The following PGLYRP2 variants were observed in gnomAD, a reference collection of about 807,000 sequenced individuals.
PGLYRP2 encodes peptidoglycan recognition protein 2, also known as N-acetylmuramoyl-L-alanine amidase.
A neutral mutation model predicts 46.2 loss-of-function variants in PGLYRP2; 38 were observed. That is an observed-to-expected ratio of 0.82 (90% CI 0.64 to 1.08). The LOEUF (loss-of-function observed/expected upper bound fraction) is 1.08. Ranked by LOEUF, PGLYRP2 falls within the 50% of genes least tolerant of loss-of-function variation. The probability of loss-of-function intolerance (pLI) is 0.00; values close to 1 mark genes in which losing one functional copy is unlikely to be tolerated. For synonymous variants in PGLYRP2, 289 were observed against 329.4 expected, an observed-to-expected ratio of 0.88 and a Z score of 1.33; for missense variants, 713 against 755.9, an observed-to-expected ratio of 0.94 and a Z score of 0.67.
chr19:15,473,584 G>A (rs775361237), intron 2 of PGLYRP2, among the ~76,000 whole-genome samples: 3 of 148,260 alleles, frequency 2.0e-5, no homozygotes, highest in Non-Finnish European at 3.0e-5. Flanking sequence ...TAAGGAAAAC[G>A]CTTCTGAACA....
chr19:15,477,203 G>C (rs1316111151), intron 1 of PGLYRP2, among the ~76,000 whole-genome samples: 1 of 151,794 alleles, frequency 6.6e-6, no homozygotes, highest in Non-Finnish European at 1.5e-5. Context: ...GGCCAGCCTG[G>C]CCAACACCGT....
At chr19:15,472,586 C>G (rs1970760151) in intron 2 of PGLYRP2, among the ~76,000 whole-genome samples, 1 of 149,966 alleles carries the variant, frequency 6.7e-6, no homozygotes, top group Non-Finnish European at 1.5e-5. Context: ...GAGCAAGACT[C>G]TGTCCCCCCC....
At chr19:15,471,267 C>T (rs894052336) in intron 3 of PGLYRP2, among the ~76,000 whole-genome samples, 23 of 152,082 alleles carry the variant, frequency 1.5e-4, no homozygotes, top group African/African-American at 5.6e-4. Flanking sequence ...CACCCGCCAT[C>T]ACGCCTGGCT....
At chr19:15,477,361 C>A (rs1477215149) in intron 1 of PGLYRP2, among the ~76,000 whole-genome samples, 4 of 141,570 alleles carry the variant, frequency 2.8e-5, no homozygotes, top group Admixed American at 7.5e-5. Flanking sequence ...CCACTGCACT[C>A]CAGCCTGGGT....
chr19:15,477,897 A>T (rs547351613), intron 1 of PGLYRP2, among the ~76,000 whole-genome samples: 1 of 152,276 alleles, frequency 6.6e-6, no homozygotes, highest in South Asian at 2.1e-4. Flanking sequence ...CTTTCAGTAA[A>T]CATTTACTAT....
intron 3 of PGLYRP2, 24 bp downstream of exon 3, chr19:15,471,866 C>G: frequency 6.2e-7 from 1 of 1,607,042 alleles, no homozygotes; most frequent in Non-Finnish European, 8.5e-7. Context: ...GGCCCCGCCC[C>G]CTCCCCGGTC....
At chr19:15,473,353 C>T (rs559300538) in intron 2 of PGLYRP2, among the ~76,000 whole-genome samples, 1 of 151,192 alleles carries the variant, frequency 6.6e-6, no homozygotes, top group East Asian at 1.9e-4. Context: ...ACCTGTAATC[C>T]CAGCTATGTG....
chr19:15,478,871 C>T (rs1302780048), intron 1 of PGLYRP2, among the ~76,000 whole-genome samples: 1 of 152,086 alleles, frequency 6.6e-6, no homozygotes, highest in East Asian at 1.9e-4. Flanking sequence ...ATCTGCCCGC[C>T]TTGATCTCCC....
At position 15,476,294 on chromosome 19, in the gene PGLYRP2, C is replaced by G. The variant is rs1454090169; in HGVS notation, c.376G>C (p.Ala126Pro). 1 of 1,614,092 alleles carries G rather than the reference C, an allele frequency of 6.2e-7. No individual in the cohort carries two copies. The highest frequency in any genetic ancestry group is 8.5e-7 in the Non-Finnish European group (1 of 1,180,060). The change falls in exon 2 of 5, where the codon GCG becomes CCG. Residue 126 changes from alanine (A) to proline (P), a missense_variant. Physicochemically the swap from Ala to Pro is conservative, Grantham distance 27 (BLOSUM62 -1). Coordinates refer to ENST00000340880, the MANE Select transcript of PGLYRP2 (RefSeq NM_052890.4). ...CCTTGCAGCCCTGCCTCCAGCCCCG[C>G]CAGCAGAGGCTCCACAGCCACGGTC... ...GSTVAVEPLL[A>P]GLEAGLQGRR...
At position 15,469,882 on chromosome 19, in the gene PGLYRP2, T is replaced by C; in HGVS notation, c.1391A>G (p.His464Arg). 1 of 1,480,942 alleles carries C rather than the reference T, an allele frequency of 6.8e-7. No homozygotes were observed. The highest frequency in any genetic ancestry group is 8.9e-7 in the Non-Finnish European group (1 of 1,125,104). 91.7% of individuals were successfully genotyped at this position (1,480,942 alleles called of 1,614,324 possible). A position where few individuals can be genotyped will look rare whatever the true frequency, so the allele number is the denominator to read the frequency against. Reference sequence around the variant, plus strand: ...GCCGAGCGTGTGGGCGCCCACCCAGTGCCAGCCGCGTCCCTCGTACACGTA... The same window carrying C: ...GCCGAGCGTGTGGGCGCCCACCCAGCGCCAGCCGCGTCCCTCGTACACGTA... ...DGYVYEGRGW[H>R]WVGAHTLGHN... Residue 464 changes from histidine (H) to arginine (R), a missense_variant, in exon 4 of 5, where the codon CAC becomes CGC. Transcript: ENST00000340880. The surrounding 1 kb of genome is among the most constrained non-coding windows in gnomAD (Gnocchi z 4.9).
chr19:15,476,667 G>T (rs886527859), intron 1 of PGLYRP2, 59 bp from the exon 2 acceptor site: 1 of 1,360,780 alleles, frequency 7.3e-7, no homozygotes, highest in Non-Finnish European at 9.8e-7. Flanking sequence ...TCCTTGTATT[G>T]ATTCCACATC....
intron 3 of PGLYRP2, among the ~76,000 whole-genome samples, chr19:15,470,874 C>A (rs1012364648): frequency 2.2e-4 from 34 of 151,806 alleles, no homozygotes; most frequent in African/African-American, 8.2e-4. Flanking sequence ...GAACTCCCGA[C>A]CTCAGGTGAT....
At position 15,475,804 on chromosome 19, in the gene PGLYRP2, G is replaced by A. The variant is rs994658192; in HGVS notation, c.866C>T (p.Thr289Ile). 4 of 1,614,038 alleles carry A rather than the reference G, an allele frequency of 2.5e-6. No individual in the cohort carries two copies. The African/African-American group carries it at 5.3e-5, about 22-fold the overall frequency. Reference sequence around the variant, plus strand: ...GCTGAGGGATGGCCGGGGCTCAGGAGTCCGGCTCAGGTAGTCTCCAAGGAT... The same window carrying A: ...GCTGAGGGATGGCCGGGGCTCAGGAATCCGGCTCAGGTAGTCTCCAAGGAT... ...GVILGDYLSRTPEPRPSLSHL... is the reference protein window; with the variant it reads ...GVILGDYLSRIPEPRPSLSHL... Residue 289 changes from threonine (T) to isoleucine (I), a missense_variant, in exon 2 of 5, where the codon ACT (threonine) becomes ATT (isoleucine). Thr to Ile is a moderately conservative substitution (Grantham distance 89). Coordinates refer to ENST00000340880, the MANE Select transcript of PGLYRP2 (RefSeq NM_052890.4).
In PGLYRP2 at chr19:15,475,972, C is replaced by T. The variant is rs200781547; in HGVS notation, c.698G>A (p.Arg233Gln). 1.7e-5 allele frequency: 28 copies of T among 1,613,954 alleles called. 1 individual carries two copies. In the East Asian group the frequency reaches 1.8e-4, roughly 10 times the overall value. The change falls in exon 2 of 5, where the codon CGA becomes CAA. Residue 233 changes from arginine to glutamine, a missense_variant. By Grantham distance (43) the Arg-to-Gln change is conservative. Transcript: ENST00000340880. ...LAGNLGLTFL[R>Q]GSQTQSHPDL... The stretch of plus-strand genomic sequence containing the variant: ...TGGATGGCTCTGGGTCTGGGAACCT[C>T]GGAGGAAGGTCAGGCCCAGGTTTCC...
intron 3 of PGLYRP2, among the ~76,000 whole-genome samples, chr19:15,471,104 T>A (rs1197526997): frequency 2.7e-5 from 1 of 36,910 alleles, no homozygotes; most frequent in East Asian, 1.3e-3. Context: ...CATGCCCAGC[T>A]TTTTTTTTTT....
chr19:15,470,584 G>A lies in PGLYRP2; in HGVS notation c.1344-655C>T, dbSNP rs1970739030. Among the ~76,000 whole-genome samples, 3 of 151,626 alleles carry A rather than the reference G, an allele frequency of 2.0e-5. No homozygotes were observed. In the South Asian group the frequency reaches 6.2e-4, roughly 32 times the overall value. On this transcript the variant is annotated intron_variant, in intron 3 of 4. Transcript: ENST00000340880. ...GGCCTCCCAAAGTGCTGGGATTACA[G>A]GCGTGAGCCACTGTGCCCAGCCTTC...
rs747769381 is a variant in PGLYRP2 at position 15,469,938 on chromosome 19, G to C, written c.1344-9C>G. 1 of 1,415,242 alleles carries C rather than the reference G, an allele frequency of 7.1e-7. No homozygotes were observed. The highest frequency in any genetic ancestry group is 9.2e-7 in the Non-Finnish European group (1 of 1,089,000). 87.7% of individuals were successfully genotyped at this position (1,415,242 alleles called of 1,614,324 possible). A position where few individuals can be genotyped will look rare whatever the true frequency, so the allele number is the denominator to read the frequency against. On this transcript the variant is annotated splice_polypyrimidine_tract_variant and intron_variant, in intron 3 of 4. Coordinates refer to ENST00000340880, the MANE Select transcript of PGLYRP2 (RefSeq NM_052890.4). The surrounding 1 kb of genome is among the most constrained non-coding windows in gnomAD (Gnocchi z 4.9). ...CCGAGCCCACCACGAAACTGCAGAG[G>C]GGAGGGAGAAGCAAGCACCATGCGG...
At position 15,469,696 on chromosome 19, in the gene PGLYRP2, A is replaced by C. The variant is rs773790604; in HGVS notation, c.1577T>G (p.Val526Gly). 124 of 1,524,648 alleles carry C rather than the reference A, an allele frequency of 8.1e-5. No individual in the cohort carries two copies. Among genetic ancestry groups the C allele is most frequent in the Non-Finnish European group, 1.1e-4 (123 of 1,141,652 alleles). 94.4% of individuals were successfully genotyped at this position (1,524,648 alleles called of 1,614,324 possible). Reference protein sequence around the residue: ...DYALLGHRQLVRTDCPGDALF... With the variant: ...DYALLGHRQLGRTDCPGDALF... The stretch of plus-strand genomic sequence containing the variant: ...CGCGTCGCCGGGGCAGTCGGTGCGC[A>C]CCAGCTGGCGGTGGCCCAGCAGCGC... The change falls in exon 4 of 5, where the codon GTG (valine) becomes GGG (glycine). Residue 526 changes from valine to glycine, a missense_variant. Coordinates refer to ENST00000340880, the MANE Select transcript of PGLYRP2 (RefSeq NM_052890.4). This position sits in a 1 kb window ranked among gnomAD's most constrained non-coding sequence, Gnocchi z 4.9.
At chr19:15,473,470 C>CAAA (rs56053684) in intron 2 of PGLYRP2, among the ~76,000 whole-genome samples, 2 of 36,476 alleles carry the variant, frequency 5.5e-5, no homozygotes, top group Admixed American at 5.6e-4. Flanking sequence ...AACTCTGTCT[C>CAAA]AAAAAAAAAA....
Sources: allele counts gnomAD v4.1 joint callset (sites outside exome capture counted in the v4.1 genomes callset), GRCh38; gene constraint gnomAD v4.1.1; non-coding constraint Gnocchi (gnomAD v3.1); transcripts MANE v1.5; gene names NCBI Gene and HGNC (gene_info 2026-07-23, HGNC 2026-07-21).